Variants in TASP1 observed in about 807,000 individuals in gnomAD.
The protein encoded by TASP1 is threonine aspartase 1.
TASP1 carries 16 observed loss-of-function variants against 56.6 expected under a neutral mutation model. The observed-to-expected ratio is 0.28, with a 90% CI of 0.19 to 0.43. The LOEUF is 0.43. Among genes scored for constraint, TASP1 ranks in the 20% least tolerant of loss-of-function variants. TASP1 has a pLI of 1.00. For missense variants in TASP1, 393 were observed against 511.6 expected (o/e 0.77, Z 2.24); for synonymous variants, 179 against 184.2 (o/e 0.97, Z 0.23).
the TASP1 span, among the ~76,000 whole-genome samples, chr20:13,115,609 C>A: frequency 2.0e-5 from 3 of 152,138 alleles, no homozygotes; most frequent in Non-Finnish European, 4.4e-5. Context: ...TGAGGACCTG[C>A]AGCCATTTAT....
intron 4 of TASP1, among the ~76,000 whole-genome samples, chr20:13,590,659 C>A (rs752026394): frequency 9.2e-5 from 14 of 151,858 alleles, no homozygotes; most frequent in Non-Finnish European, 1.8e-4. Flanking sequence ...CAAGGTCAGG[C>A]ATTCGAGACC....
intron 10 of TASP1, among the ~76,000 whole-genome samples, chr20:13,492,458 T>C (rs2043568732): frequency 6.6e-6 from 1 of 152,234 alleles, no homozygotes; most frequent in South Asian, 2.1e-4. Context: ...GGGTTACTTC[T>C]GGTTTTCAAG....
Position 13,608,734 on chromosome 20 carries a change from C to A in TASP1, c.282+14712G>T, listed in dbSNP as rs1442132942. 3.3e-5 allele frequency among the ~76,000 whole-genome samples: 5 copies of A among 152,336 alleles called. No individual in the cohort carries two copies. In the East Asian group the frequency reaches 9.6e-4, roughly 29 times the overall value. ...AGGCCATTCAAAACCAGGCATCTGGCCAGATTTGGCTTTCTGGCCATAGTT... is the reference window on the plus strand; with the variant it reads ...AGGCCATTCAAAACCAGGCATCTGGACAGATTTGGCTTTCTGGCCATAGTT... On this transcript the variant is annotated intron_variant, in intron 4 of 13. Coordinates refer to ENST00000337743, the MANE Select transcript of TASP1 (RefSeq NM_017714.3).
the TASP1 span, chr20:13,270,564 G>C: frequency 1.2e-6 from 2 of 1,613,914 alleles, no homozygotes; most frequent in African/African-American, 1.3e-5. Context: ...CTCCAAAGAA[G>C]CACCAAGGGA....
chr20:13,128,641 T>C, the TASP1 span, among the ~76,000 whole-genome samples: 2 of 152,138 alleles, frequency 1.3e-5, no homozygotes, highest in South Asian at 2.1e-4. Flanking sequence ...AGACATTGGA[T>C]AAACAGGTAC....
the TASP1 span, among the ~76,000 whole-genome samples, chr20:13,192,731 G>GTT: frequency 2.8e-5 from 4 of 141,260 alleles, no homozygotes; most frequent in Non-Finnish European, 4.7e-5. Flanking sequence ...TTTTGTTTTT[G>GTT]TTTTTTTTTT....
chr20:13,385,110 T>C (rs540105484), downstream of TASP1, among the ~76,000 whole-genome samples: 9 of 152,354 alleles, frequency 5.9e-5, no homozygotes, highest in African/African-American at 2.2e-4. Flanking sequence ...AGATGCCCTT[T>C]TGGAAATGGG....
the TASP1 span, among the ~76,000 whole-genome samples, chr20:13,118,465 A>AAAC: frequency 6.6e-6 from 1 of 151,742 alleles, no homozygotes; most frequent in Non-Finnish European, 1.5e-5. Flanking sequence ...AAAAACAAAA[A>AAAC]AAAACAATAA....
intron 1 of TASP1, among the ~76,000 whole-genome samples, chr20:13,632,030 C>A (rs775192735): frequency 1.3e-5 from 2 of 151,232 alleles, no homozygotes; most frequent in African/African-American, 4.9e-5. Context: ...CCAGCCTGGG[C>A]GACGGAGCAA....
chr20:13,209,531 T>C, the TASP1 span, among the ~76,000 whole-genome samples: 1 of 152,226 alleles, frequency 6.6e-6, no homozygotes, highest in Non-Finnish European at 1.5e-5. Flanking sequence ...CCTTCCATTA[T>C]ATTGACTTCT....
At chr20:13,507,272 C>T (rs1382740893) in intron 10 of TASP1, among the ~76,000 whole-genome samples, 2 of 152,202 alleles carry the variant, frequency 1.3e-5, no homozygotes, top group African/African-American at 4.8e-5. Context: ...GTGGCTCACT[C>T]CTATAATCCC....
At chr20:13,174,899 A>C in the TASP1 span, among the ~76,000 whole-genome samples, 1 of 152,136 alleles carries the variant, frequency 6.6e-6, no homozygotes, top group Non-Finnish European at 1.5e-5. Context: ...TCATGGGGGC[A>C]GTACCCCCAT....
At chr20:13,309,966 CTG>C in the TASP1 span, among the ~76,000 whole-genome samples, 1 of 152,056 alleles carries the variant, frequency 6.6e-6, no homozygotes, top group Non-Finnish European at 1.5e-5. Flanking sequence ...AAAAAATACT[CTG>C]TGTTTACGGA....
the TASP1 span, among the ~76,000 whole-genome samples, chr20:13,183,084 C>A: frequency 6.6e-6 from 1 of 152,190 alleles, no homozygotes; most frequent in Non-Finnish European, 1.5e-5. Flanking sequence ...AGGACAATAG[C>A]AAACATGATG....
chr20:13,114,183 A>G, the TASP1 span, among the ~76,000 whole-genome samples: 1 of 152,252 alleles, frequency 6.6e-6, no homozygotes, highest in South Asian at 2.1e-4. Context: ...TCTAGGCCTC[A>G]GTTTCTTCAT....
chr20:13,408,420 G>A, intron 13 of TASP1, among the ~76,000 whole-genome samples: 1 of 152,060 alleles, frequency 6.6e-6, no homozygotes, highest in East Asian at 1.9e-4. Flanking sequence ...AACTTATTAA[G>A]CATCTCCGCA....
the TASP1 span, among the ~76,000 whole-genome samples, chr20:13,279,343 A>G: frequency 6.6e-6 from 1 of 152,200 alleles, no homozygotes; most frequent in Non-Finnish European, 1.5e-5. Flanking sequence ...CCTAACCCAC[A>G]GCAATCCAAC....
chr20:13,566,632 T>A (rs1264060072), intron 7 of TASP1, among the ~76,000 whole-genome samples: 1 of 151,762 alleles, frequency 6.6e-6, no homozygotes, highest in Non-Finnish European at 1.5e-5. Flanking sequence ...ATGACAAAAT[T>A]ATACAAATGT....
chr20:13,289,596 T>C, the TASP1 span, among the ~76,000 whole-genome samples: 4 of 151,768 alleles, frequency 2.6e-5, no homozygotes, highest in Middle Eastern at 6.8e-3. Flanking sequence ...TTTAAACTGT[T>C]GTGAAGAGAA....
Sources: allele counts gnomAD v4.1 joint callset (sites outside exome capture counted in the v4.1 genomes callset), GRCh38; gene constraint gnomAD v4.1.1; transcripts MANE v1.5; gene names NCBI Gene and HGNC (gene_info 2026-07-23, HGNC 2026-07-21).